FRYL: variants seen among roughly 807,000 people sequenced by gnomAD.
FRYL encodes FRY like transcription coactivator, also known as protein furry homolog-like.
A neutral mutation model predicts 351.2 loss-of-function variants in FRYL; 150 were observed. The observed-to-expected ratio is 0.43, with a 90% confidence interval of 0.37 to 0.49. FRYL has a LOEUF of 0.49. Among genes scored for constraint, FRYL ranks in the 20% least tolerant of loss-of-function variants. FRYL has a pLI of 0.00. For synonymous variants in FRYL, 1,153 were observed against 1,257.1 expected, an observed-to-expected ratio of 0.92 and a Z score of 1.75; for missense variants, 3,036 against 3,619.3, an observed-to-expected ratio of 0.84 and a Z score of 4.13.
chr4:48,591,126 C>A (rs1411980034), intron 16 of FRYL, among the ~76,000 whole-genome samples: 1 of 152,104 alleles, frequency 6.6e-6, no homozygotes, highest in Non-Finnish European at 1.5e-5. Flanking sequence ...CCCGTCCCCT[C>A]CCCTTTCTAG....
intron 2 of FRYL, among the ~76,000 whole-genome samples, chr4:48,687,171 G>C (rs573755648): frequency 3.3e-5 from 5 of 152,184 alleles, no homozygotes; most frequent in South Asian, 4.1e-4. Context: ...CTGTAAAGGA[G>C]AGCAATTTTT....
At chr4:48,755,783 TA>T (rs59064698) in intron 1 of FRYL, among the ~76,000 whole-genome samples, 2 of 151,624 alleles carry the variant, frequency 1.3e-5, no homozygotes, top group African/African-American at 2.4e-5. Flanking sequence ...AACATTAAAA[TA>T]AAAAAAACAG....
intron 7 of FRYL, among the ~76,000 whole-genome samples, chr4:48,610,498 T>C (rs1428894231): frequency 2.0e-5 from 3 of 151,510 alleles, no homozygotes; most frequent in Non-Finnish European, 4.4e-5. Flanking sequence ...AACCAAATAA[T>C]GTATCTTTCC....
chr4:48,697,493 T>C (rs1431054634), intron 2 of FRYL, among the ~76,000 whole-genome samples: 2 of 152,192 alleles, frequency 1.3e-5, no homozygotes, highest in African/African-American at 2.4e-5. Flanking sequence ...GAAGCATACT[T>C]CTATTTTTAT....
At chr4:48,608,420 C>G (rs1747313203) in intron 9 of FRYL, among the ~76,000 whole-genome samples, 1 of 152,134 alleles carries the variant, frequency 6.6e-6, no homozygotes, top group South Asian at 2.1e-4. Flanking sequence ...ATAATTGTTA[C>G]AGTAACCACA....
At chr4:48,705,187 C>T (rs1386829687) in intron 2 of FRYL, among the ~76,000 whole-genome samples, 1 of 151,696 alleles carries the variant, frequency 6.6e-6, no homozygotes, top group Non-Finnish European at 1.5e-5. Flanking sequence ...AGAACCTGCC[C>T]CAAACACAGT....
At position 48,512,701 on chromosome 4, in the gene FRYL, A is replaced by G. The variant is rs1320935251; in HGVS notation, c.7938-13T>C. The G allele has an allele frequency of 1.3e-6, 2 of 1,549,364 alleles. No homozygotes were observed. Among genetic ancestry groups the G allele is most frequent in the Non-Finnish European group, 1.8e-6 (2 of 1,121,222 alleles). On this transcript the variant is annotated splice_polypyrimidine_tract_variant and intron_variant, in intron 56 of 63. Coordinates refer to ENST00000358350, the MANE Select transcript of FRYL (RefSeq NM_015030.2). ...TTCTTCATCTTGACTATTAACACAG[A>G]TATCATAAATATCATAACACTATCT...
At chr4:48,754,433 G>T (rs1773563629) in intron 1 of FRYL, among the ~76,000 whole-genome samples, 1 of 152,076 alleles carries the variant, frequency 6.6e-6, no homozygotes, top group Non-Finnish European at 1.5e-5. Context: ...CGTAAATAAG[G>T]GTTGCTATAA....
rs183499710 is a variant in FRYL at position 48,531,771 on chromosome 4, C to T, written c.6706-418G>A. Among the ~76,000 whole-genome samples, 529 of 152,198 alleles carry T rather than the reference C, an allele frequency of 3.5e-3. 1 individual carries two copies. The highest frequency in any genetic ancestry group is 0.01 in the Middle Eastern group (3 of 294). On this transcript the variant is annotated intron_variant, in intron 49 of 63. Transcript: ENST00000358350. ...GTCTTTGCAGATAAAAATTTTTTAA[C>T]GAATACCTTCCTTTTTAGACATAAA...
At chr4:48,535,849 T>G in intron 47 of FRYL, 22 bp from the exon 48 acceptor site, 1 of 1,464,376 alleles carries the variant, frequency 6.8e-7, no homozygotes, top group East Asian at 2.4e-5. Flanking sequence ...ATAAAATTAT[T>G]TCATTCACCT....
At chr4:48,555,534 G>A (rs1327572690) in intron 35 of FRYL, among the ~76,000 whole-genome samples, 1 of 152,186 alleles carries the variant, frequency 6.6e-6, no homozygotes, top group Non-Finnish European at 1.5e-5. Flanking sequence ...ACCTGAAGGA[G>A]GACCTGAAAG....
At chr4:48,779,474 G>C (rs998766101) in intron 1 of FRYL, among the ~76,000 whole-genome samples, 1 of 152,122 alleles carries the variant, frequency 6.6e-6, no homozygotes, top group Non-Finnish European at 1.5e-5. Context: ...CCAGAGCAAG[G>C]GAAAAGGCGG....
intron 1 of FRYL, among the ~76,000 whole-genome samples, chr4:48,725,478 C>T (rs562960458): frequency 6.6e-6 from 1 of 152,278 alleles, no homozygotes; most frequent in South Asian, 2.1e-4. Context: ...TTTCAGTTAA[C>T]CTCAGTCGAC....
intron 21 of FRYL, 150 bp from the exon 22 acceptor site, chr4:48,581,101 A>T: frequency 1.8e-6 from 1 of 566,738 alleles, no homozygotes; most frequent in Non-Finnish European, 3.0e-6. Flanking sequence ...GCTGGAGTGC[A>T]GCAGCGCCAT....
chr4:48,533,356 G>A (rs895016314), intron 49 of FRYL, among the ~76,000 whole-genome samples: 1 of 151,896 alleles, frequency 6.6e-6, no homozygotes, highest in African/African-American at 2.4e-5. Context: ...CTCACTGAAG[G>A]ATAAGACACA....
chr4:48,691,011 GC>G lies in FRYL; in HGVS notation c.-203-6217del, dbSNP rs571983528. Among the ~76,000 whole-genome samples the G allele has an allele frequency of 2.9e-4, 44 of 152,234 alleles. 1 individual carries two copies. In the South Asian group the frequency reaches 8.9e-3, roughly 31 times the overall value. ...TTTTTCTCTGTGTTCACTGCCTCCA[GC>G]AAGCTTAGAGAAGCCTGACTTCTGT... On this transcript the variant is annotated intron_variant, in intron 2 of 63. Coordinates refer to ENST00000358350, the MANE Select transcript of FRYL (RefSeq NM_015030.2).
intron 23 of FRYL, among the ~76,000 whole-genome samples, chr4:48,577,374 T>C (rs919584138): frequency 3.3e-5 from 5 of 152,192 alleles, no homozygotes; most frequent in Non-Finnish European, 7.3e-5. Context: ...TTTTGTAATA[T>C]GTTAAGGTAA....
chr4:48,644,173 C>T (rs924151300), intron 3 of FRYL, among the ~76,000 whole-genome samples: 1 of 151,962 alleles, frequency 6.6e-6, no homozygotes, highest in African/African-American at 2.4e-5. Flanking sequence ...AACTCCCGAC[C>T]TCAGGTGATC....
At chr4:48,506,774 C>CAACATAAG (rs1721159249) in intron 59 of FRYL, among the ~76,000 whole-genome samples, 1 of 151,148 alleles carries the variant, frequency 6.6e-6, no homozygotes, top group Non-Finnish European at 1.5e-5. Flanking sequence ...TTATGTTGTA[C>CAACATAAG]CCACAAAGAA....
Sources: gnomAD v4.1 joint callset for allele counts (sites outside exome capture counted in the v4.1 genomes callset) on GRCh38, gnomAD v4.1.1 for gene constraint, MANE v1.5 for transcripts, NCBI Gene and HGNC (gene_info 2026-07-23, HGNC 2026-07-21) for gene names.